The following SLC4A4 variants were observed in gnomAD, a reference collection of about 807,000 sequenced individuals.
The protein encoded by SLC4A4 is solute carrier family 4 member 4.
In SLC4A4, 27 loss-of-function variants were observed where a neutral mutation model predicts 111.5. The ratio of observed to expected loss-of-function variants is 0.24; its 90% confidence interval spans 0.18 to 0.33. The LOEUF is 0.33. Ranked by LOEUF, SLC4A4 falls within the 10% of genes least tolerant of loss-of-function variation. The pLI is 1.00. For missense variants in SLC4A4, 909 were observed against 1,315.5 expected, an observed-to-expected ratio of 0.69 and a Z score of 4.78; for synonymous variants, 443 against 463.4, an observed-to-expected ratio of 0.96 and a Z score of 0.57.
chr4:71,211,598 C>G (rs997000188), intron 1 of SLC4A4, among the ~76,000 whole-genome samples: 21 of 152,292 alleles, frequency 1.4e-4, no homozygotes, highest in Non-Finnish European at 2.5e-4. Flanking sequence ...TGTTTAACAG[C>G]TCCCCAATGA....
intron 20 of SLC4A4, 95 bp downstream of exon 20, chr4:71,547,815 T>G: frequency 9.7e-7 from 1 of 1,027,930 alleles, no homozygotes; most frequent in Non-Finnish European, 1.5e-6. Context: ...ATTTGCGAGA[T>G]TCTCATCAGT....
chr4:71,533,072 A>G (rs1170835728), intron 17 of SLC4A4, among the ~76,000 whole-genome samples: 8 of 152,100 alleles, frequency 5.3e-5, no homozygotes, highest in Admixed American at 5.2e-4. Context: ...TCCACTACTG[A>G]GATCATATAT....
chr4:71,212,498 C>A (rs1431412407), intron 1 of SLC4A4, among the ~76,000 whole-genome samples: 5 of 152,116 alleles, frequency 3.3e-5, no homozygotes, highest in Non-Finnish European at 5.9e-5. Flanking sequence ...CAGAGGGGCT[C>A]ACCAGAAATG....
At position 71,232,015 on chromosome 4, in the gene SLC4A4, C is replaced by T. The variant is rs530405325; in HGVS notation, c.-1-4561C>T. On this transcript the variant is annotated intron_variant, in intron 1 of 25. Transcript: ENST00000264485. ...TGAATTCCTGTATTTTGTGCAGAAG[C>T]CTAGGTGCACCAGGCTGGACTTACT... Among the ~76,000 whole-genome samples the T allele has an allele frequency of 3.3e-5, 5 of 152,246 alleles. No individual in the cohort carries two copies. The South Asian group carries it at 6.2e-4, about 19-fold the overall frequency.
chr4:71,472,736 A>G lies in SLC4A4; in HGVS notation c.1669A>G (p.Ile557Val). 6.2e-7 allele frequency: 1 copy of G among 1,612,696 alleles called. No homozygotes were observed. Among genetic ancestry groups the G allele is most frequent in the Non-Finnish European group, 8.5e-7 (1 of 1,179,242 alleles). Residue 557 changes from isoleucine (I) to valine (V), a missense_variant, in exon 14 of 26, where the codon ATT becomes GTT. By Grantham distance (29) the Ile-to-Val change is conservative. This residue lies in a region of SLC4A4 where 264 missense variants were observed against 356.8 expected (regional missense o/e 0.74). Coordinates refer to ENST00000264485, the MANE Select transcript of SLC4A4 (RefSeq NM_001098484.3). The stretch of plus-strand genomic sequence containing the variant: ...TGACTATTTGGAGTTTCGCCTTTGG[A>G]TTGGCCTGTGGTCCGCCTTCCTATG... ...NFDYLEFRLW[I>V]GLWSAFLCLI...
intron 7 of SLC4A4, among the ~76,000 whole-genome samples, chr4:71,438,113 T>C (rs1724334710): frequency 6.6e-6 from 1 of 152,182 alleles, no homozygotes; most frequent in Admixed American, 6.5e-5. Context: ...GTTTTACAAA[T>C]ATGTGGTATT....
At chr4:71,302,444 TC>T (rs1253713222) in intron 3 of SLC4A4, among the ~76,000 whole-genome samples, 1 of 152,210 alleles carries the variant, frequency 6.6e-6, no homozygotes, top group East Asian at 1.9e-4. Context: ...TTTGCTTACT[TC>T]CACAGAGTAT....
intron 2 of SLC4A4, among the ~76,000 whole-genome samples, chr4:71,160,081 C>CTTGTAAAAATTACCAGGGTAATTACATGT (rs766532708): frequency 0.011 from 1,632 of 152,294 alleles, 14 homozygotes; most frequent in Non-Finnish European, 0.018. Context: ...CTTTTTACAT[C>CTTGTAAAAATTACCAGGGTAATTACATGT]ACCCTGATGA....
chr4:71,426,754 T>A (rs796914115), intron 7 of SLC4A4, among the ~76,000 whole-genome samples: 1 of 152,090 alleles, frequency 6.6e-6, no homozygotes, highest in African/African-American at 2.4e-5. Flanking sequence ...TCTAAAGTAA[T>A]GGAATATTAG....
chr4:71,507,307 A>T (rs1731507226), intron 16 of SLC4A4, among the ~76,000 whole-genome samples: 1 of 152,220 alleles, frequency 6.6e-6, no homozygotes, highest in African/African-American at 2.4e-5. Flanking sequence ...GGAAAGCTGC[A>T]TAACAAACCA....
intron 1 of SLC4A4, among the ~76,000 whole-genome samples, chr4:71,226,339 G>T (rs1218491263): frequency 6.6e-6 from 1 of 152,134 alleles, no homozygotes; most frequent in African/African-American, 2.4e-5. Context: ...GTAGTTTATG[G>T]TGTGATTTAT....
chr4:71,204,173 A>G (rs1306781552), intron 1 of SLC4A4, among the ~76,000 whole-genome samples: 1 of 152,228 alleles, frequency 6.6e-6, no homozygotes, highest in Non-Finnish European at 1.5e-5. Context: ...AGTTTCCAAC[A>G]ATAAACCTGG....
rs771494780 is a variant in SLC4A4 at position 71,198,930 on chromosome 4, C to CTT, written c.-2+11530_-2+11531insTT. 6.6e-4 allele frequency among the ~76,000 whole-genome samples: 100 copies of CTT among 152,192 alleles called. 1 individual carries two copies. Among genetic ancestry groups the CTT allele is most frequent in the Non-Finnish European group, 1.3e-3 (86 of 68,032 alleles). On this transcript the variant is annotated intron_variant, in intron 1 of 25. Transcript: ENST00000264485. ...ACCACAAGAGGAGAAACTGGATACTCTAACAGGAGAAGGTCCAGAGCAAAT... is the reference window on the plus strand; with the variant it reads ...ACCACAAGAGGAGAAACTGGATACTCTTTAACAGGAGAAGGTCCAGAGCAAAT...
At position 71,534,326 on chromosome 4, in the gene SLC4A4, C is replaced by A; in HGVS notation, c.2380C>A (p.Leu794Met). Residue 794 changes from leucine (L) to methionine (M), a missense_variant, in exon 18 of 26, where the codon CTG becomes ATG. By Grantham distance (15) the Leu-to-Met change is conservative. Coordinates refer to ENST00000264485, the MANE Select transcript of SLC4A4 (RefSeq NM_001098484.3). ...TATCCCGGCTTTGTTGGTCACTATA[C>A]TGATTTTCATGGACCAACAAATTAC... ...AAIPALLVTI[L>M]IFMDQQITAV... 1 of 1,613,508 alleles carries A rather than the reference C, an allele frequency of 6.2e-7. No homozygotes were observed. The highest frequency in any genetic ancestry group is 8.5e-7 in the Non-Finnish European group (1 of 1,179,600).
At chr4:71,426,844 A>C (rs1464708574) in intron 7 of SLC4A4, among the ~76,000 whole-genome samples, 1 of 152,144 alleles carries the variant, frequency 6.6e-6, no homozygotes, top group Non-Finnish European at 1.5e-5. Context: ...CATTCCTATA[A>C]CTTCTAATCT....
intron 5 of SLC4A4, 26 bp from the exon 6 acceptor site, chr4:71,356,982 G>A: frequency 6.2e-7 from 1 of 1,612,524 alleles, no homozygotes; most frequent in Middle Eastern, 1.7e-4. Context: ...ACTGAGTTTT[G>A]TTTTTTGCTT....
chr4:71,062,827 G>T (rs1196567164), intron 1 of SLC4A4, among the ~76,000 whole-genome samples: 4 of 152,126 alleles, frequency 2.6e-5, no homozygotes, highest in Admixed American at 1.3e-4. Context: ...AGTGTGGTAG[G>T]CATATGCCAC....
At chr4:71,103,639 A>T (rs944807045) in intron 2 of SLC4A4, among the ~76,000 whole-genome samples, 1 of 152,178 alleles carries the variant, frequency 6.6e-6, no homozygotes, top group African/African-American at 2.4e-5. Flanking sequence ...GCTCAACTAC[A>T]TGGAAACTGA....
Position 71,067,844 on chromosome 4 carries a change from C to A in SLC4A4, c.-65+5056C>A, listed in dbSNP as rs577607578. ...GCTCACCGCAGCCTTGACTCCTGGG[C>A]TCAAGTGATCCTTCCACTTCAGCCT... On this transcript the variant is annotated intron_variant, in intron 1 of 26. Transcript: ENST00000649996. Among the ~76,000 whole-genome samples, 21 of 151,898 alleles carry A rather than the reference C, an allele frequency of 1.4e-4. No individual in the cohort carries two copies. In the South Asian group the frequency reaches 4.4e-3, roughly 32 times the overall value.
Sources: allele counts gnomAD v4.1 joint callset (sites outside exome capture counted in the v4.1 genomes callset), GRCh38; gene constraint gnomAD v4.1.1; regional missense constraint gnomAD v4.1.1; transcripts MANE v1.5; gene names NCBI Gene and HGNC (gene_info 2026-07-23, HGNC 2026-07-21).